The following CSNK1G3 variants were observed in gnomAD, a reference collection of about 807,000 sequenced individuals.
CSNK1G3 encodes casein kinase 1 gamma 3, also known as casein kinase I isoform gamma-3.
Under a neutral mutation model 64.3 loss-of-function variants are expected in CSNK1G3, and 23 were observed. The ratio of observed to expected loss-of-function variants is 0.36; its 90% CI spans 0.26 to 0.51. The LOEUF is 0.51. CSNK1G3 is among the 20% of genes least tolerant of loss of function. The pLI is 0.96. For missense variants in CSNK1G3, 357 were observed against 510.5 expected, an observed-to-expected ratio of 0.70 and a Z score of 2.90; for synonymous variants, 158 against 162.2, an observed-to-expected ratio of 0.97 and a Z score of 0.20.
At chr5:123,547,311 T>C (rs1184219440) in intron 2 of CSNK1G3, among the ~76,000 whole-genome samples, 1 of 152,174 alleles carries the variant, frequency 6.6e-6, no homozygotes, top group Non-Finnish European at 1.5e-5. Context: ...TATACTTGCA[T>C]ATACTTTGGC....
chr5:123,590,718 T>A (rs1046034485), intron 9 of CSNK1G3, among the ~76,000 whole-genome samples, 160 bp downstream of exon 9: 1 of 152,054 alleles, frequency 6.6e-6, no homozygotes, highest in South Asian at 2.1e-4. Flanking sequence ...GTACTAGTGT[T>A]CTTTGAGTTT....
intron 2 of CSNK1G3, among the ~76,000 whole-genome samples, chr5:123,551,275 A>G (rs547286958): frequency 1.4e-4 from 22 of 152,344 alleles, no homozygotes; most frequent in African/African-American, 5.0e-4. Flanking sequence ...AGTTTACTAG[A>G]GGAAACCTAA....
intron 1 of CSNK1G3, among the ~76,000 whole-genome samples, chr5:123,516,749 G>A (rs1041153161): frequency 1.2e-4 from 19 of 152,020 alleles, no homozygotes; most frequent in Non-Finnish European, 2.6e-4. Flanking sequence ...AATCATGTCC[G>A]CATTTTTCAT....
At chr5:123,581,360 G>GTTTTTTTTTTT (rs10612602) in intron 6 of CSNK1G3, among the ~76,000 whole-genome samples, 1 of 81,576 alleles carries the variant, frequency 1.2e-5, no homozygotes, top group African/African-American at 5.1e-5. Context: ...TTTTGGGTTT[G>GTTTTTTTTTTT]TTTTTTTTTT....
chr5:123,605,312 T>C (rs765686398), intron 11 of CSNK1G3, 27 bp from the exon 13 acceptor site: 2 of 1,579,902 alleles, frequency 1.3e-6, no homozygotes, highest in East Asian at 2.2e-5. Context: ...TTTTTCCTTG[T>C]ATTTTTTTTT....
At chr5:123,561,869 C>A (rs1322884340) in intron 4 of CSNK1G3, among the ~76,000 whole-genome samples, 1 of 152,140 alleles carries the variant, frequency 6.6e-6, no homozygotes, top group African/African-American at 2.4e-5. Flanking sequence ...TTAGCCTCCT[C>A]TGATTTTGGC....
intron 2 of CSNK1G3, among the ~76,000 whole-genome samples, chr5:123,548,387 A>C (rs1473250566): frequency 7.1e-6 from 1 of 140,554 alleles, no homozygotes; most frequent in Admixed American, 7.4e-5. Flanking sequence ...TGAGCTGAGG[A>C]GTTTAAGGTT....
intron 2 of CSNK1G3, among the ~76,000 whole-genome samples, chr5:123,548,740 TAA>T (rs574709184): frequency 5.6e-5 from 8 of 142,712 alleles, no homozygotes; most frequent in Non-Finnish European, 6.1e-5. Context: ...ATCCTGTCTG[TAA>T]AAAAAAAAAA....
intron 1 of CSNK1G3, among the ~76,000 whole-genome samples, chr5:123,542,832 G>T (rs1011340844): frequency 7.0e-6 from 1 of 143,578 alleles, no homozygotes; most frequent in African/African-American, 2.7e-5. Context: ...TTAGCAGTTT[G>T]TGATATGCCT....
chr5:123,519,802 C>T (rs1315357609), intron 1 of CSNK1G3, among the ~76,000 whole-genome samples: 1 of 152,170 alleles, frequency 6.6e-6, no homozygotes, highest in East Asian at 1.9e-4. Context: ...TTGAAATGCT[C>T]AAGCCACACA....
chr5:123,515,193 T>C (rs1396213200), intron 1 of CSNK1G3, among the ~76,000 whole-genome samples: 1 of 152,220 alleles, frequency 6.6e-6, no homozygotes, highest in Non-Finnish European at 1.5e-5. Flanking sequence ...GTTACTTCTC[T>C]GTGTCTCCTC....
intron 6 of CSNK1G3, among the ~76,000 whole-genome samples, chr5:123,578,858 G>A (rs1293437094): frequency 6.6e-6 from 1 of 151,884 alleles, no homozygotes; most frequent in Non-Finnish European, 1.5e-5. Flanking sequence ...ACCTTAGTGT[G>A]TTTCTTAAAA....
chr5:123,518,556 CTG>C (rs924844875), intron 1 of CSNK1G3, among the ~76,000 whole-genome samples: 2 of 152,218 alleles, frequency 1.3e-5, no homozygotes, highest in Admixed American at 6.5e-5. Flanking sequence ...CTCTTTCTGT[CTG>C]TGTCTCTGGA....
At chr5:123,574,743 T>C (rs945020806) in intron 5 of CSNK1G3, among the ~76,000 whole-genome samples, 3 of 152,056 alleles carry the variant, frequency 2.0e-5, no homozygotes, top group African/African-American at 7.2e-5. Flanking sequence ...GGCAAGAGGA[T>C]TGCTTGAGCC....
At chr5:123,569,865 T>C (rs569102628) in intron 4 of CSNK1G3, among the ~76,000 whole-genome samples, 2 of 152,326 alleles carry the variant, frequency 1.3e-5, no homozygotes, top group African/African-American at 4.8e-5. Context: ...TGATGTTAGT[T>C]GGTAACTTTT....
chr5:123,573,317 A>T (rs1313816032), intron 4 of CSNK1G3, 76 bp from the exon 5 acceptor site: 1 of 1,463,344 alleles, frequency 6.8e-7, no homozygotes, highest in African/African-American at 1.4e-5. Flanking sequence ...ATAAAATTTT[A>T]AATATCAGTT....
chr5:123,544,033 C>T (rs1237832964), intron 1 of CSNK1G3, among the ~76,000 whole-genome samples: 2 of 152,092 alleles, frequency 1.3e-5, no homozygotes, highest in Admixed American at 6.6e-5. Context: ...ACACATAGCC[C>T]TCCTGTGCAA....
At chr5:123,521,155 G>A (rs1279927424) in intron 1 of CSNK1G3, among the ~76,000 whole-genome samples, 1 of 151,972 alleles carries the variant, frequency 6.6e-6, no homozygotes, top group Non-Finnish European at 1.5e-5. Context: ...GAAAAAAAGT[G>A]TTTATAGATG....
At chr5:123,615,813 C>T (rs193056558) in exon 13 of CSNK1G3, 80 of 152,260 alleles carry the variant, frequency 5.3e-4, no homozygotes, top group African/African-American at 1.8e-3. Flanking sequence ...TTATTCCTCC[C>T]ATGCAGTCTC....
Sources: gnomAD v4.1 joint callset for allele counts (sites outside exome capture counted in the v4.1 genomes callset) on GRCh38, gnomAD v4.1.1 for gene constraint, MANE v1.5 for transcripts, NCBI Gene and HGNC (gene_info 2026-07-23, HGNC 2026-07-21) for gene names.